The following SLC14A2 variants were observed in gnomAD, a reference collection of about 807,000 sequenced individuals.
SLC14A2 encodes urea transporter 2.
SLC14A2 carries 91 observed loss-of-function variants against 104.6 expected under a neutral mutation model. That is an observed-to-expected ratio of 0.87 (90% CI 0.73 to 1.04). The LOEUF is 1.04. Among genes scored for constraint, SLC14A2 ranks in the 50% least tolerant of loss-of-function variants. The pLI, the probability that SLC14A2 is intolerant of heterozygous loss-of-function variation, is 0.00. For missense variants in SLC14A2, 1,189 were observed against 1,156.0 expected (o/e 1.03, Z -0.41); for synonymous variants, 476 against 466.4 (o/e 1.02, Z -0.27).
intron 2 of SLC14A2, among the ~76,000 whole-genome samples, chr18:45,523,867 G>A (rs1186525872): frequency 6.6e-6 from 1 of 152,160 alleles, no homozygotes; most frequent in Non-Finnish European, 1.5e-5. Flanking sequence ...CTGTTTGTGT[G>A]CCTTTTACTG....
At chr18:45,324,430 T>C (rs2085214604) in intron 1 of SLC14A2, among the ~76,000 whole-genome samples, 3 of 152,130 alleles carry the variant, frequency 2.0e-5, no homozygotes, top group South Asian at 2.1e-4. Flanking sequence ...CCAAGGACTC[T>C]AAAAGCAAAG....
the SLC14A2 span, among the ~76,000 whole-genome samples, chr18:45,177,285 A>G: frequency 6.6e-6 from 1 of 152,056 alleles, no homozygotes; most frequent in South Asian, 2.1e-4. Flanking sequence ...ACCCTAATTC[A>G]TGTTCTTCTC....
chr18:45,404,230 C>A (rs1418877252), intron 1 of SLC14A2, among the ~76,000 whole-genome samples: 1 of 152,216 alleles, frequency 6.6e-6, no homozygotes, highest in South Asian at 2.1e-4. Context: ...CTCATTTATC[C>A]TTGGGTTCTT....
At chr18:45,439,262 G>C (rs975137550) in intron 1 of SLC14A2, among the ~76,000 whole-genome samples, 13 of 152,216 alleles carry the variant, frequency 8.5e-5, no homozygotes, top group African/African-American at 2.4e-4. Flanking sequence ...CTGGGCAACA[G>C]AGCAAGACTC....
At chr18:45,191,051 G>T in the SLC14A2 span, among the ~76,000 whole-genome samples, 102 of 152,232 alleles carry the variant, frequency 6.7e-4, no homozygotes, top group African/African-American at 2.4e-3. Flanking sequence ...GGGGAGACAG[G>T]AGGACAGCTC....
At chr18:45,567,401 G>A (rs886237217) in intron 2 of SLC14A2, among the ~76,000 whole-genome samples, 2 of 152,144 alleles carry the variant, frequency 1.3e-5, no homozygotes, top group Admixed American at 6.5e-5. Flanking sequence ...AAGGGACCCC[G>A]ACTGATAGAG....
chr18:45,391,615 A>G (rs973884432), intron 1 of SLC14A2, among the ~76,000 whole-genome samples: 1 of 152,156 alleles, frequency 6.6e-6, no homozygotes, highest in Non-Finnish European at 1.5e-5. Flanking sequence ...AATGATCACC[A>G]TTCTAACTGG....
intron 1 of SLC14A2, among the ~76,000 whole-genome samples, chr18:45,344,126 T>C (rs1324339342): frequency 6.6e-6 from 1 of 152,130 alleles, no homozygotes; most frequent in Non-Finnish European, 1.5e-5. Flanking sequence ...ATTATATTAT[T>C]ATCACTCCTA....
chr18:45,626,234 A>G (rs2045255630), intron 3 of SLC14A2, among the ~76,000 whole-genome samples: 1 of 152,224 alleles, frequency 6.6e-6, no homozygotes, highest in Non-Finnish European at 1.5e-5. Context: ...CACTTGTTGC[A>G]CAGCCATTTA....
rs35369854 is a variant in SLC14A2, at chr18:45,508,926, T to A, written c.-35+25604T>A. On this transcript the variant is annotated intron_variant, in intron 2 of 20. Transcript: ENST00000586448. ...TATCAAGATATTGGGGGGTGACAGATGACCTTTGAGTTGATTTCATGGATA... is the reference window on the plus strand; with the variant it reads ...TATCAAGATATTGGGGGGTGACAGAAGACCTTTGAGTTGATTTCATGGATA... Among the ~76,000 whole-genome samples, 303 of 152,354 alleles carry A rather than the reference T, an allele frequency of 2.0e-3. 1 individual carries two copies. The highest frequency in any genetic ancestry group is 3.6e-3 in the Non-Finnish European group (245 of 68,038).
At chr18:45,514,603 T>G (rs1488997909) in intron 2 of SLC14A2, among the ~76,000 whole-genome samples, 3 of 152,194 alleles carry the variant, frequency 2.0e-5, no homozygotes, top group African/African-American at 7.2e-5. Context: ...ATGCCTACAT[T>G]AGGTGAGCAT....
intron 2 of SLC14A2, among the ~76,000 whole-genome samples, chr18:45,505,459 CCT>C (rs2043267191): frequency 6.6e-6 from 1 of 152,052 alleles, no homozygotes; most frequent in Non-Finnish European, 1.5e-5. Context: ...GGTAATATTC[CCT>C]GAGAATGCTC....
At chr18:45,291,586 C>T (rs542713170) in intron 1 of SLC14A2, among the ~76,000 whole-genome samples, 266 of 152,152 alleles carry the variant, frequency 1.7e-3, no homozygotes, top group Middle Eastern at 0.017. Flanking sequence ...CAAGAGGGGA[C>T]GATATTAGAA....
chr18:45,255,018 C>T (rs573659025), intron 1 of SLC14A2, among the ~76,000 whole-genome samples: 1 of 152,300 alleles, frequency 6.6e-6, no homozygotes, highest in African/African-American at 2.4e-5. Flanking sequence ...AATACCAGCA[C>T]ACTTGCTCCC....
intron 1 of SLC14A2, among the ~76,000 whole-genome samples, chr18:45,357,711 A>T (rs1327790723): frequency 6.6e-6 from 1 of 152,150 alleles, no homozygotes; most frequent in Non-Finnish European, 1.5e-5. Context: ...TAGGCCTGAG[A>T]TGAGCCATCC....
intron 1 of SLC14A2, among the ~76,000 whole-genome samples, chr18:45,255,577 A>T (rs1366720023): frequency 6.6e-6 from 1 of 152,180 alleles, no homozygotes. Flanking sequence ...GGTTTCAGAA[A>T]GTGATTGCCT....
chr18:45,630,424 C>T (rs1171689499), intron 4 of SLC14A2, among the ~76,000 whole-genome samples: 1 of 152,136 alleles, frequency 6.6e-6, no homozygotes, highest in East Asian at 1.9e-4. Flanking sequence ...TAAGACTATA[C>T]TTTACAGATG....
chr18:45,232,020 G>A (rs191405916), intron 1 of SLC14A2, among the ~76,000 whole-genome samples: 1 of 150,970 alleles, frequency 6.6e-6, no homozygotes, highest in African/African-American at 2.4e-5. Flanking sequence ...TTTCAACTAA[G>A]AGTCCATTGC....
chr18:45,237,508 T>C (rs1209270096), intron 1 of SLC14A2, among the ~76,000 whole-genome samples: 2 of 152,222 alleles, frequency 1.3e-5, no homozygotes, highest in African/African-American at 4.8e-5. Context: ...ATGACTCTGC[T>C]TTAACTACGC....
Sources: gnomAD v4.1 joint callset for allele counts (sites outside exome capture counted in the v4.1 genomes callset) on GRCh38, gnomAD v4.1.1 for gene constraint, MANE v1.5 for transcripts, NCBI Gene and HGNC (gene_info 2026-07-23, HGNC 2026-07-21) for gene names.